SORBS2: variants seen among roughly 807,000 people sequenced by gnomAD.
SORBS2 encodes sorbin and SH3 domain-containing protein 2.
SORBS2 carries 46 observed loss-of-function variants against 97.7 expected under a neutral mutation model. That is an observed-to-expected ratio of 0.47 (90% CI 0.37 to 0.60). SORBS2 has a LOEUF of 0.60. SORBS2 is among the 20% of genes least tolerant of loss of function. SORBS2 has a pLI of 0.00. For missense variants in SORBS2, 1,316 were observed against 1,282.3 expected, an observed-to-expected ratio of 1.03 and a Z score of -0.40; for synonymous variants, 476 against 473.4, an observed-to-expected ratio of 1.01 and a Z score of -0.07.
intron 2 of SORBS2, among the ~76,000 whole-genome samples, chr4:185,683,158 A>G (rs1202489473): frequency 1.3e-5 from 2 of 152,262 alleles, no homozygotes; most frequent in East Asian, 3.8e-4. Flanking sequence ...CTAGTGATAG[A>G]AAACTTAAAA....
chr4:185,709,534 A>T (rs1228665738), intron 2 of SORBS2, among the ~76,000 whole-genome samples: 1 of 152,060 alleles, frequency 6.6e-6, no homozygotes, highest in East Asian at 1.9e-4. Flanking sequence ...TGAAAAAGAC[A>T]TATAAATTAT....
intron 1 of SORBS2, among the ~76,000 whole-genome samples, chr4:185,943,382 T>C (rs10010181): frequency 0.13 from 19,785 of 152,252 alleles, 1,565 homozygotes; most frequent in Middle Eastern, 0.24. Context: ...TGAATTCTGA[T>C]GTCATGAAAT....
At chr4:185,753,246 A>G (rs2098812095) in intron 2 of SORBS2, among the ~76,000 whole-genome samples, 1 of 152,238 alleles carries the variant, frequency 6.6e-6, no homozygotes, top group Non-Finnish European at 1.5e-5. Flanking sequence ...CAAAAAATAA[A>G]AAAGGTTTTG....
intron 3 of SORBS2, among the ~76,000 whole-genome samples, chr4:185,647,552 AT>A (rs1356766423): frequency 6.6e-6 from 1 of 151,472 alleles, no homozygotes; most frequent in Non-Finnish European, 1.5e-5. Context: ...AGGGGCCATG[AT>A]TTTTAGGAGG....
Position 185,830,953 on chromosome 4 carries a change from T to C in SORBS2, c.-337-55587A>G, listed in dbSNP as rs2099204766. On this transcript the variant is annotated intron_variant, in intron 1 of 20. Transcript: ENST00000284776. ...TACTATATGGGTACTTAGGGTTTGC[T>C]GTGACTTGGTTCTTTTTTATTTTTT... Among the ~76,000 whole-genome samples, 5 of 152,236 alleles carry C rather than the reference T, an allele frequency of 3.3e-5. No individual in the cohort carries two copies. The South Asian group carries it at 1.0e-3, about 31-fold the overall frequency.
chr4:185,929,147 T>C (rs2099265204), intron 1 of SORBS2, among the ~76,000 whole-genome samples: 2 of 152,316 alleles, frequency 1.3e-5, no homozygotes, highest in South Asian at 2.1e-4. Context: ...TTTAAAACTT[T>C]AGTTTACACA....
chr4:185,724,972 C>G (rs188060527), intron 2 of SORBS2, among the ~76,000 whole-genome samples: 2 of 152,194 alleles, frequency 1.3e-5, no homozygotes, highest in African/African-American at 4.8e-5. Context: ...CCATTTATCT[C>G]TCACTGCTCC....
At chr4:185,853,796 G>A (rs73019823) in intron 1 of SORBS2, among the ~76,000 whole-genome samples, 1 of 152,186 alleles carries the variant, frequency 6.6e-6, no homozygotes, top group African/African-American at 2.4e-5. Flanking sequence ...AACCTGGAAT[G>A]AGTTTTGAGG....
intron 1 of SORBS2, among the ~76,000 whole-genome samples, chr4:185,872,269 A>G (rs1346147927): frequency 6.6e-6 from 1 of 152,142 alleles, no homozygotes; most frequent in Admixed American, 6.5e-5. Context: ...GAATGCAGTT[A>G]ATTTGGGCAA....
At chr4:185,873,850 A>G (rs541707537) in intron 1 of SORBS2, among the ~76,000 whole-genome samples, 1 of 152,332 alleles carries the variant, frequency 6.6e-6, no homozygotes, top group East Asian at 1.9e-4. Flanking sequence ...ATGAACATTT[A>G]TATTATTGTA....
intron 1 of SORBS2, among the ~76,000 whole-genome samples, chr4:185,823,202 G>A (rs892596264): frequency 2.0e-5 from 3 of 152,030 alleles, no homozygotes; most frequent in South Asian, 2.1e-4. Flanking sequence ...TTTATGTACC[G>A]AAGTCCTCAA....
rs910484714 is a variant in SORBS2, at chr4:185,852,089, A to G, written c.-337-76723T>C. 3.3e-5 allele frequency among the ~76,000 whole-genome samples: 5 copies of G among 152,202 alleles called. 1 individual carries two copies. Among genetic ancestry groups the G allele is most frequent in the Admixed American group, 3.3e-4 (5 of 15,284 alleles). On this transcript the variant is annotated intron_variant, in intron 1 of 20. Transcript: ENST00000284776. ...GAACAAATCCTTTCAGGGTACAATA[A>G]TTCAAAGCTTTTAATACGTTTAGCA...
intron 1 of SORBS2, among the ~76,000 whole-genome samples, chr4:185,804,805 T>C (rs996730226): frequency 2.6e-5 from 4 of 152,260 alleles, no homozygotes; most frequent in Admixed American, 6.5e-5. Context: ...GTTTCTATTG[T>C]TTTCTTGAGT....
rs544111302 is a variant in SORBS2 at position 185,758,218 on chromosome 4, G to A, written c.-198+17009C>T. 9.9e-5 allele frequency among the ~76,000 whole-genome samples: 15 copies of A among 152,278 alleles called. No individual in the cohort carries two copies. The East Asian group carries it at 1.9e-3, about 20-fold the overall frequency. The stretch of plus-strand genomic sequence containing the variant: ...GACTTTTTAAAATTAAATATCATGC[G>A]AAAGACTTTCCAGAATTACAGCATT... On this transcript the variant is annotated intron_variant, in intron 2 of 20. Transcript: ENST00000284776.
Position 185,589,577 on chromosome 4 carries a change from C to T in SORBS2, c.2953+102G>A, listed in dbSNP as rs183724398. On this transcript the variant is annotated intron_variant, in intron 14 of 14. Transcript: ENST00000418609. ...AATGTCTGAAAGATCAAAGGCATTA[C>T]GAATTCAAAGGAAGCTCGGCCATCA... 52 of 734,688 alleles carry T rather than the reference C, an allele frequency of 7.1e-5. 1 individual carries two copies. The Middle Eastern group carries it at 1.2e-3, about 17-fold the overall frequency. The allele number at this position is 734,688 out of a possible 1,614,324, so 45.5% of individuals were successfully genotyped here. A position where few individuals can be genotyped will look rare whatever the true frequency, so the allele number is the denominator to read the frequency against.
chr4:185,743,122 G>C (rs191354968), intron 2 of SORBS2, among the ~76,000 whole-genome samples: 1 of 152,270 alleles, frequency 6.6e-6, no homozygotes, highest in East Asian at 1.9e-4. Flanking sequence ...TGAGGTTCCG[G>C]AGTGCTACTC....
At chr4:185,724,570 C>T (rs1463017793) in intron 2 of SORBS2, among the ~76,000 whole-genome samples, 1 of 152,140 alleles carries the variant, frequency 6.6e-6, no homozygotes, top group African/African-American at 2.4e-5. Context: ...GAGGACTCTT[C>T]CTAATACCTA....
intron 1 of SORBS2, among the ~76,000 whole-genome samples, chr4:185,903,501 G>A (rs1160749452): frequency 6.6e-6 from 1 of 152,200 alleles, no homozygotes; most frequent in Non-Finnish European, 1.5e-5. Context: ...CAAGTTTCTG[G>A]TCAGTACAGA....
Position 185,677,308 on chromosome 4 carries a change from G to A in SORBS2, c.-46+1115C>T, listed in dbSNP as rs375542131. Reference sequence around the variant, plus strand: ...GTTAGTTTCAAGGTAGAAATCCTCCGAGTTTGAGAATCTTGCCTGTAGTCC... The same window carrying A: ...GTTAGTTTCAAGGTAGAAATCCTCCAAGTTTGAGAATCTTGCCTGTAGTCC... On this transcript the variant is annotated intron_variant, in intron 4 of 20. Transcript: ENST00000284776. 4.1e-5 allele frequency: 64 copies of A among 1,552,138 alleles called. 1 individual carries two copies. Among genetic ancestry groups the A allele is most frequent in the Non-Finnish European group, 5.4e-5 (62 of 1,147,124 alleles).
Sources: allele counts gnomAD v4.1 joint callset (sites outside exome capture counted in the v4.1 genomes callset), GRCh38; gene constraint gnomAD v4.1.1; transcripts MANE v1.5; gene names NCBI Gene and HGNC (gene_info 2026-07-23, HGNC 2026-07-21).